Variants in PIK3CA observed in about 807,000 individuals in gnomAD.
The protein encoded by PIK3CA is phosphatidylinositol 4,5-bisphosphate 3-kinase catalytic subunit alpha isoform.
Under a neutral mutation model 138.2 loss-of-function variants are expected in PIK3CA, and 27 were observed. The ratio of observed to expected loss-of-function variants is 0.20; its 90% confidence interval spans 0.14 to 0.27. The LOEUF (loss-of-function observed/expected upper bound fraction) is 0.27. PIK3CA is among the 10% of genes least tolerant of loss of function. The probability of loss-of-function intolerance (pLI) is 1.00; values close to 1 mark genes in which losing one functional copy is unlikely to be tolerated. For missense variants in PIK3CA, 544 were observed against 1,277.4 expected, an observed-to-expected ratio of 0.43 and a Z score of 8.75; for synonymous variants, 358 against 413.2, an observed-to-expected ratio of 0.87 and a Z score of 1.62.
In PIK3CA at chr3:179,199,053, A is replaced by G. The variant is rs1360446174; in HGVS notation, c.228A>G (p.Glu76=). The change falls in exon 2 of 21, where the codon GAA becomes GAG. Residue 76 remains glutamate, a synonymous_variant. Coordinates refer to ENST00000263967, the MANE Select transcript of PIK3CA (RefSeq NM_006218.4). ...ACATTTTCGTAAGTGTTACTCAAGA[A>G]GCAGAAAGGGAAGAATTTTTTGATG... The part of the protein sequence containing the change: ...SSYIFVSVTQ[E]AEREEFFDET... The G allele has an allele frequency of 2.5e-6, 4 of 1,613,720 alleles. No homozygotes were observed. The highest frequency in any genetic ancestry group is 1.7e-6 in the Non-Finnish European group (2 of 1,179,884).
At position 179,210,484 on chromosome 3, in the gene PIK3CA, C is replaced by T. The variant is rs201775914; in HGVS notation, c.1458C>T (p.Phe486=). 19 of 1,613,762 alleles carry T rather than the reference C, an allele frequency of 1.2e-5. No individual in the cohort carries two copies. Among genetic ancestry groups the T allele is most frequent in the Non-Finnish European group, 1.5e-5 (18 of 1,179,882 alleles). ...ACTGGTTCAGCAGTGTGGTAAAGTTCCCAGATATGTCAGTGATTGAAGAGC... is the reference window on the plus strand; with the variant it reads ...ACTGGTTCAGCAGTGTGGTAAAGTTTCCAGATATGTCAGTGATTGAAGAGC... The part of the protein sequence containing the change: ...EFDWFSSVVK[F]PDMSVIEEHA... Residue 486 remains phenylalanine, a synonymous_variant, in exon 9 of 21, where the codon TTC becomes TTT. Coordinates refer to ENST00000263967, the MANE Select transcript of PIK3CA (RefSeq NM_006218.4).
At chr3:179,215,466 A>G (rs1461947054) in intron 9 of PIK3CA, among the ~76,000 whole-genome samples, 1 of 152,106 alleles carries the variant, frequency 6.6e-6, no homozygotes, top group East Asian at 1.9e-4. Flanking sequence ...ATATTTTACT[A>G]TTTCATCATC....
chr3:179,198,208 G>A (rs56056022), intron 1 of PIK3CA, among the ~76,000 whole-genome samples: 5,721 of 152,238 alleles, frequency 0.038, 361 homozygotes, highest in African/African-American at 0.13. Context: ...ATTGATTTAA[G>A]AAAGACAAAA....
chr3:179,187,721 T>C (rs1474346323), intron 1 of PIK3CA, among the ~76,000 whole-genome samples: 2 of 150,792 alleles, frequency 1.3e-5, no homozygotes, highest in African/African-American at 4.9e-5. Flanking sequence ...CACTGCAACC[T>C]CCACCTCCCG....
Position 179,230,449 on chromosome 3 carries a change from A to G in PIK3CA, c.2936+73A>G, listed in dbSNP as rs928182181. The G allele has an allele frequency of 3.8e-6, 5 of 1,301,894 alleles. No homozygotes were observed. The highest frequency in any genetic ancestry group is 5.3e-6 in the Non-Finnish European group (5 of 940,908). 80.6% of individuals were successfully genotyped at this position (1,301,894 alleles called of 1,614,324 possible). A position where few individuals can be genotyped will look rare whatever the true frequency, so the allele number is the denominator to read the frequency against. On this transcript the variant is annotated intron_variant, in intron 20 of 20. Coordinates refer to ENST00000263967, the MANE Select transcript of PIK3CA (RefSeq NM_006218.4). The surrounding 1 kb of genome is among the most constrained non-coding windows in gnomAD (Gnocchi z 5.4). ...TATTAGAAACAATCAATATTTTTCA[A>G]GCAATTTCAAAATAATAAATGTTGG...
chr3:179,174,751 TTTAG>T (rs1285434380), intron 1 of PIK3CA, among the ~76,000 whole-genome samples: 1 of 152,226 alleles, frequency 6.6e-6, no homozygotes, highest in African/African-American at 2.4e-5. Context: ...TAAATCCACA[TTTAG>T]TTATTTCATT....
rs747283707 is a variant in PIK3CA at position 179,229,405 on chromosome 3, C to T, written c.2629C>T (p.Leu877=). ...TGCACTGCAGTTCAACAGCCACACA[C>T]TACATCAGTGGCTCAAAGACAAGAA... ...KGALQFNSHT[L]HQWLKDKNKG... The change falls in exon 18 of 21, where the codon CTA becomes TTA. Residue 877 remains leucine, a synonymous_variant. Coordinates refer to ENST00000263967, the MANE Select transcript of PIK3CA (RefSeq NM_006218.4). 5.0e-6 allele frequency: 8 copies of T among 1,612,850 alleles called. No individual in the cohort carries two copies. In the South Asian group the frequency reaches 7.7e-5, roughly 16 times the overall value.
intron 1 of PIK3CA, among the ~76,000 whole-genome samples, chr3:179,173,402 T>TAGAAAAAAA (rs1723610772): frequency 4.3e-5 from 1 of 23,318 alleles, no homozygotes. Flanking sequence ...CTGCTAAAAA[T>TAGAAAAAAA]ACAAAAAAAA....
chr3:179,205,690 T>A (rs1284870846), intron 6 of PIK3CA, among the ~76,000 whole-genome samples: 1 of 152,198 alleles, frequency 6.6e-6, no homozygotes, highest in Non-Finnish European at 1.5e-5. Context: ...TAAAAAGTAG[T>A]ATAATCCAAT....
intron 1 of PIK3CA, among the ~76,000 whole-genome samples, chr3:179,161,757 G>A (rs1247022923): frequency 6.6e-6 from 1 of 152,180 alleles, no homozygotes; most frequent in Non-Finnish European, 1.5e-5. Flanking sequence ...CAGATGTTTT[G>A]AGATGCTTGT....
rs964888083 is a variant in PIK3CA, at chr3:179,187,353, C to T, written c.-76-11397C>T. 9.9e-5 allele frequency among the ~76,000 whole-genome samples: 15 copies of T among 151,216 alleles called. No individual in the cohort carries two copies. In the South Asian group the frequency reaches 1.7e-3, roughly 17 times the overall value. Reference sequence around the variant, plus strand: ...GAGATCGAGACCATCCTGGCTAACACGGTGAAACCCCGTCTCTACTAAAAA... The same window carrying T: ...GAGATCGAGACCATCCTGGCTAACATGGTGAAACCCCGTCTCTACTAAAAA... On this transcript the variant is annotated intron_variant, in intron 1 of 20. Transcript: ENST00000263967.
intron 7 of PIK3CA, 66 bp from the exon 8 acceptor site, chr3:179,210,120 G>A (rs2108399922): frequency 2.4e-6 from 3 of 1,253,014 alleles, no homozygotes; most frequent in Middle Eastern, 1.9e-4. Flanking sequence ...TCCTTTTGGG[G>A]AAGAAAAGTG....
At chr3:179,178,706 T>C (rs1252838332) in intron 1 of PIK3CA, among the ~76,000 whole-genome samples, 1 of 152,090 alleles carries the variant, frequency 6.6e-6, no homozygotes, top group South Asian at 2.1e-4. Context: ...GCTCTATCAC[T>C]TACTACAATG....
chr3:179,229,667 G>A (rs575628068), intron 18 of PIK3CA, among the ~76,000 whole-genome samples: 63 of 152,102 alleles, frequency 4.1e-4, no homozygotes, highest in African/African-American at 1.4e-3. Context: ...TATCTAAAAT[G>A]TATTGTTATT....
chr3:179,187,948 C>T (rs1032841369), intron 1 of PIK3CA, among the ~76,000 whole-genome samples: 1 of 152,124 alleles, frequency 6.6e-6, no homozygotes, highest in African/African-American at 2.4e-5. Flanking sequence ...TCATTTAATT[C>T]TTATAACATT....
At chr3:179,214,939 C>T (rs937655163) in intron 9 of PIK3CA, among the ~76,000 whole-genome samples, 9 of 152,188 alleles carry the variant, frequency 5.9e-5, no homozygotes, top group African/African-American at 2.2e-4. Context: ...GAACCATTAA[C>T]TCTCCCTGAT....
intron 15 of PIK3CA, 100 bp from the exon 16 acceptor site, chr3:179,224,600 C>A: frequency 1.4e-6 from 1 of 691,106 alleles, no homozygotes; most frequent in Non-Finnish European, 2.2e-6. Flanking sequence ...ATCTTTGTAA[C>A]ACTTCAAAAA....
rs115682193 is a variant in PIK3CA, at chr3:179,161,423, G to A, written c.-77+12820G>A. Among the ~76,000 whole-genome samples, 1,497 of 152,272 alleles carry A rather than the reference G, an allele frequency of 9.8e-3. 22 individuals are homozygous for A. Among genetic ancestry groups the A allele is most frequent in the African/African-American group, 0.034 (1,413 of 41,574 alleles). ...ACATAAATAACAGGAAGTGCTGGGC[G>A]TGGTGGCTCACGCCTGTAATTCCAG... On this transcript the variant is annotated intron_variant, in intron 1 of 20. Coordinates refer to ENST00000263967, the MANE Select transcript of PIK3CA (RefSeq NM_006218.4).
In PIK3CA at chr3:179,155,360, G is replaced by A. The variant is rs118188571; in HGVS notation, c.-77+6757G>A. Among the ~76,000 whole-genome samples the A allele has an allele frequency of 3.7e-4, 56 of 152,222 alleles. 2 individuals are homozygous for A. In the East Asian group the frequency reaches 8.9e-3, roughly 24 times the overall value. On this transcript the variant is annotated intron_variant, in intron 1 of 20. Transcript: ENST00000263967. ...CTTATATTTCTATCAGGAGCCATAC[G>A]CTTTATCTGAAAAGCAGGTAAATTG...
Sources: gnomAD v4.1 joint callset for allele counts (sites outside exome capture counted in the v4.1 genomes callset) on GRCh38, gnomAD v4.1.1 for gene constraint, Gnocchi (gnomAD v3.1) non-coding constraint, MANE v1.5 for transcripts, NCBI Gene and HGNC (gene_info 2026-07-23, HGNC 2026-07-21) for gene names.